Variants in KATNIP observed in about 807,000 individuals in gnomAD.
KATNIP encodes the protein katanin-interacting protein.
A neutral mutation model predicts 174.0 loss-of-function variants in KATNIP; 126 were observed. The observed-to-expected ratio is 0.72, with a 90% CI of 0.63 to 0.84. The LOEUF is 0.84. KATNIP is among the 40% of genes least tolerant of loss of function. The pLI is 0.00. For synonymous variants in KATNIP, 810 were observed against 835.7 expected, an observed-to-expected ratio of 0.97 and a Z score of 0.53; for missense variants, 1,958 against 2,109.7, an observed-to-expected ratio of 0.93 and a Z score of 1.41.
At position 27,778,659 on chromosome 16, in the gene KATNIP, A is replaced by G. The variant is rs1162469085; in HGVS notation, c.*30A>G. On this transcript the variant is annotated 3_prime_UTR_variant, in exon 28 of 28. Coordinates refer to ENST00000261588, the MANE Select transcript of KATNIP (RefSeq NM_015202.5). ...TGAAGGAGGGAGAGCTGGTCCTCCCACTATGGTGGGCTCCGTCAGCAGCCC... is the reference window on the plus strand; with the variant it reads ...TGAAGGAGGGAGAGCTGGTCCTCCCGCTATGGTGGGCTCCGTCAGCAGCCC... 1 of 1,605,988 alleles carries G rather than the reference A, an allele frequency of 6.2e-7. No individual in the cohort carries two copies. The highest frequency in any genetic ancestry group is 8.5e-7 in the Non-Finnish European group (1 of 1,174,008).
At chr16:27,560,226 G>C (rs1171226937) in intron 1 of KATNIP, among the ~76,000 whole-genome samples, 1 of 147,534 alleles carries the variant, frequency 6.8e-6, no homozygotes, top group Non-Finnish European at 1.5e-5. Context: ...AGGTTGCAGT[G>C]AGCTGAGATC....
intron 2 of KATNIP, among the ~76,000 whole-genome samples, chr16:27,613,717 C>T (rs766246366): frequency 3.9e-5 from 6 of 152,068 alleles, no homozygotes; most frequent in South Asian, 2.1e-4. Context: ...GTAAACTGCA[C>T]GATTTATGTG....
In KATNIP at chr16:27,674,061, G is replaced by T. The variant is rs564767179; in HGVS notation, c.541-3668G>T. ...AGCTACACAGGAGGCTGAGGTGGGA[G>T]GCTCACTCGAGCCTAGGAGGTCGAG... On this transcript the variant is annotated intron_variant, in intron 6 of 27. Coordinates refer to ENST00000261588, the MANE Select transcript of KATNIP (RefSeq NM_015202.5). Among the ~76,000 whole-genome samples, 26 of 152,298 alleles carry T rather than the reference G, an allele frequency of 1.7e-4. No individual in the cohort carries two copies. The South Asian group carries it at 2.3e-3, about 13-fold the overall frequency.
At chr16:27,634,371 T>A (rs1265292830) in intron 5 of KATNIP, among the ~76,000 whole-genome samples, 22 of 152,104 alleles carry the variant, frequency 1.4e-4, no homozygotes, top group Admixed American at 1.4e-3. Context: ...GCTTACGAAG[T>A]CCTTGGGCTA....
At chr16:27,641,433 T>TG (rs917482550) in intron 5 of KATNIP, among the ~76,000 whole-genome samples, 33 of 152,028 alleles carry the variant, frequency 2.2e-4, no homozygotes, top group African/African-American at 6.8e-4. Flanking sequence ...ACCCAATCAC[T>TG]GGGGGGACAG....
At chr16:27,624,541 C>T (rs907529908) in intron 3 of KATNIP, among the ~76,000 whole-genome samples, 16 of 152,260 alleles carry the variant, frequency 1.1e-4, no homozygotes, top group African/African-American at 3.6e-4. Context: ...TGAGGCCAGA[C>T]GCAGTGGCTC....
chr16:27,571,969 T>G (rs914421996), intron 1 of KATNIP, among the ~76,000 whole-genome samples: 1 of 152,178 alleles, frequency 6.6e-6, no homozygotes, highest in Admixed American at 6.5e-5. Context: ...TCAAATCTCT[T>G]GATCCCTAAA....
intron 6 of KATNIP, chr16:27,669,151 A>G (rs1274719705): frequency 1.0e-5 from 3 of 288,216 alleles, no homozygotes; most frequent in Admixed American, 6.5e-5. Context: ...TTCATGTTTG[A>G]TGGTCGCCTG....
At chr16:27,684,098 G>A (rs1472148615) in intron 8 of KATNIP, among the ~76,000 whole-genome samples, 2 of 152,036 alleles carry the variant, frequency 1.3e-5, no homozygotes, top group Non-Finnish European at 2.9e-5. Context: ...CAAAATTAAG[G>A]GTCAGTACTT....
intron 12 of KATNIP, among the ~76,000 whole-genome samples, chr16:27,705,400 C>G (rs2079260921): frequency 6.6e-6 from 1 of 152,146 alleles, no homozygotes. Flanking sequence ...CCTGAGCTGG[C>G]CTGGCCTGGA....
At chr16:27,622,602 C>T (rs1220166517) in intron 3 of KATNIP, among the ~76,000 whole-genome samples, 3 of 152,154 alleles carry the variant, frequency 2.0e-5, no homozygotes, top group South Asian at 2.1e-4. Flanking sequence ...GATTTGCTCT[C>T]CAGGTCCAAG....
chr16:27,590,738 G>A (rs2075135869), intron 2 of KATNIP, among the ~76,000 whole-genome samples: 1 of 152,244 alleles, frequency 6.6e-6, no homozygotes, highest in Admixed American at 6.5e-5. Flanking sequence ...TCTCCCTGGA[G>A]AATGTGCTGC....
At chr16:27,665,286 G>A (rs141837047) in intron 6 of KATNIP, among the ~76,000 whole-genome samples, 3,329 of 151,934 alleles carry the variant, frequency 0.022, 138 homozygotes, top group African/African-American at 0.077. Context: ...TGTATTTTTA[G>A]TAGAGATGGG....
intron 5 of KATNIP, among the ~76,000 whole-genome samples, chr16:27,642,162 T>C (rs1289272878): frequency 6.6e-6 from 1 of 152,264 alleles, no homozygotes; most frequent in East Asian, 1.9e-4. Context: ...ATTAACAAAA[T>C]GTGGCACATA....
chr16:27,659,919 C>A, intron 6 of KATNIP: 1 of 728,092 alleles, frequency 1.4e-6, no homozygotes, highest in Non-Finnish European at 1.7e-6. Context: ...AACTTTTCTT[C>A]TGAGCATGCA....
intron 20 of KATNIP, among the ~76,000 whole-genome samples, chr16:27,769,509 C>T (rs1041205873): frequency 6.6e-6 from 1 of 152,234 alleles, no homozygotes; most frequent in African/African-American, 2.4e-5. Flanking sequence ...GTAACATACA[C>T]AGCTACTAGT....
chr16:27,657,458 T>A (rs1181245234), intron 6 of KATNIP, among the ~76,000 whole-genome samples: 1 of 152,106 alleles, frequency 6.6e-6, no homozygotes, highest in Middle Eastern at 3.2e-3. Flanking sequence ...CCGGGCACAG[T>A]GGCTAACACC....
chr16:27,667,248 G>A (rs150361595), intron 6 of KATNIP, among the ~76,000 whole-genome samples: 159 of 151,876 alleles, frequency 1.0e-3, no homozygotes, highest in African/African-American at 3.6e-3. Flanking sequence ...CCAGGAGGTC[G>A]AGGTTGCAGT....
intron 6 of KATNIP, chr16:27,669,367 C>T (rs2077805552): frequency 2.1e-6 from 2 of 948,528 alleles, no homozygotes; most frequent in South Asian, 9.7e-5. Flanking sequence ...ATCCGATCTC[C>T]ACCTGCGGTG....
Sources: gnomAD v4.1 joint callset for allele counts (sites outside exome capture counted in the v4.1 genomes callset) on GRCh38, gnomAD v4.1.1 for gene constraint, MANE v1.5 for transcripts, NCBI Gene and HGNC (gene_info 2026-07-23, HGNC 2026-07-21) for gene names.